The following MACROD2 variants were observed in gnomAD, a reference collection of about 807,000 sequenced individuals.
The protein encoded by MACROD2 is mono-ADP ribosylhydrolase 2.
In MACROD2, 36 loss-of-function variants were observed where a neutral mutation model predicts 70.4. That is an observed-to-expected ratio of 0.51 (90% CI 0.39 to 0.68). The LOEUF is 0.68. Ranked by LOEUF, MACROD2 falls within the 30% of genes least tolerant of loss-of-function variation. The pLI, the probability that MACROD2 is intolerant of heterozygous loss-of-function variation, is 0.00. For missense variants in MACROD2, 496 were observed against 538.4 expected, an observed-to-expected ratio of 0.92 and a Z score of 0.78; for synonymous variants, 172 against 178.8, an observed-to-expected ratio of 0.96 and a Z score of 0.30.
In MACROD2 at chr20:14,230,647, AT is replaced by A. The variant is rs1569217327; in HGVS notation, c.271+144920del. ...CATTCATGTTTATATATATATATAT[AT>A]ATATATAACACAGGCTGGGCCTATA... On this transcript the variant is annotated intron_variant, in intron 3 of 17. Coordinates refer to ENST00000684519, the MANE Select transcript of MACROD2 (RefSeq NM_001351661.2). Among the ~76,000 whole-genome samples, 190 of 21,326 alleles carry A rather than the reference AT, an allele frequency of 8.9e-3. 29 individuals are homozygous for A. The highest frequency in any genetic ancestry group is 0.032 in the African/African-American group (174 of 5,480). The allele number at this position is 21,326 out of a possible 152,430, so 14.0% of individuals were successfully genotyped here.
intron 7 of MACROD2, among the ~76,000 whole-genome samples, chr20:15,439,681 T>G (rs1600413325): frequency 1.3e-5 from 2 of 152,296 alleles, no homozygotes; most frequent in Non-Finnish European, 2.9e-5. Context: ...AGACACTGCC[T>G]TCTTTGAAGT....
chr20:15,499,740 G>T, intron 7 of MACROD2, 34 bp from the exon 8 acceptor site: 1 of 1,607,886 alleles, frequency 6.2e-7, no homozygotes, highest in Non-Finnish European at 8.5e-7. Context: ...TTCATCTTTC[G>T]TTGTTCATTT....
chr20:15,336,617 TCA>T (rs1323132845), intron 6 of MACROD2, among the ~76,000 whole-genome samples: 1 of 121,498 alleles, frequency 8.2e-6, no homozygotes, highest in Non-Finnish European at 1.7e-5. Flanking sequence ...TGGGAAGAAT[TCA>T]GTTACATTTC....
intron 5 of MACROD2, among the ~76,000 whole-genome samples, chr20:14,838,510 A>G (rs983144197): frequency 8.5e-5 from 13 of 152,132 alleles, no homozygotes; most frequent in Non-Finnish European, 1.2e-4. Context: ...GTAAACATCA[A>G]TTGAAAATAA....
intron 3 of MACROD2, among the ~76,000 whole-genome samples, chr20:14,459,523 T>C (rs998234128): frequency 9.9e-5 from 15 of 151,864 alleles, no homozygotes; most frequent in Admixed American, 2.0e-4. Flanking sequence ...TGTGTATGTA[T>C]GTAGGTAGGT....
intron 4 of MACROD2, among the ~76,000 whole-genome samples, chr20:14,679,802 T>A (rs1430845442): frequency 1.3e-5 from 2 of 152,156 alleles, no homozygotes; most frequent in South Asian, 2.1e-4. Flanking sequence ...TAATTGAAAG[T>A]GTGGTATGTA....
chr20:14,420,270 A>G (rs144649497), intron 3 of MACROD2, among the ~76,000 whole-genome samples: 194 of 151,878 alleles, frequency 1.3e-3, no homozygotes, highest in Admixed American at 2.6e-3. Flanking sequence ...TCTATGTTTA[A>G]CTTTTTTGAG....
At chr20:14,711,170 T>C (rs2071334144) in intron 5 of MACROD2, among the ~76,000 whole-genome samples, 1 of 152,218 alleles carries the variant, frequency 6.6e-6, no homozygotes, top group African/African-American at 2.4e-5. Context: ...GAGTGGGTCA[T>C]GAGTTTTCTT....
chr20:15,051,338 A>ATGTGTGTGTG (rs6147297), intron 5 of MACROD2, among the ~76,000 whole-genome samples: 2 of 129,444 alleles, frequency 1.5e-5, no homozygotes, highest in East Asian at 2.2e-4. Flanking sequence ...TCAGTAGGAG[A>ATGTGTGTGTG]TGTGTGTGTG....
At chr20:14,767,701 C>T (rs1232930174) in intron 5 of MACROD2, among the ~76,000 whole-genome samples, 2 of 151,644 alleles carry the variant, frequency 1.3e-5, no homozygotes. Flanking sequence ...GCAGGTTTGT[C>T]ACATAGGTAT....
At chr20:14,990,978 G>C (rs1249535405) in intron 5 of MACROD2, among the ~76,000 whole-genome samples, 1 of 152,142 alleles carries the variant, frequency 6.6e-6, no homozygotes, top group East Asian at 1.9e-4. Flanking sequence ...AGATCAAGAA[G>C]GGGCAGAATT....
chr20:14,856,200 C>T (rs1037886053), intron 5 of MACROD2, among the ~76,000 whole-genome samples: 1 of 152,012 alleles, frequency 6.6e-6, no homozygotes, highest in South Asian at 2.1e-4. Flanking sequence ...GTATTTTTCC[C>T]CAGTAATGCT....
In MACROD2 at chr20:16,050,091, G is replaced by C. The variant is rs2067439942; in HGVS notation, c.*215G>C. On this transcript the variant is annotated 3_prime_UTR_variant, in exon 18 of 18. Coordinates refer to ENST00000684519, the MANE Select transcript of MACROD2 (RefSeq NM_001351661.2). ...AAAAGTTTCCTTTAATTTGGTGGAG[G>C]GACCCATGTTGACGCATCTTTCAGG... is the stretch of plus-strand genomic sequence containing the variant. 4.4e-6 allele frequency: 2 copies of C among 453,548 alleles called. No homozygotes were observed. Among genetic ancestry groups the C allele is most frequent in the African/African-American group, 4.0e-5 (2 of 50,254 alleles). 28.1% of individuals were successfully genotyped at this position (453,548 alleles called of 1,614,324 possible).
At chr20:14,308,562 T>C (rs902336548) in intron 3 of MACROD2, among the ~76,000 whole-genome samples, 6 of 152,094 alleles carry the variant, frequency 3.9e-5, no homozygotes, top group Non-Finnish European at 8.8e-5. Context: ...GCATGGTACT[T>C]AAGAAAATTT....
chr20:14,266,431 A>G (rs2082144684), intron 3 of MACROD2, among the ~76,000 whole-genome samples: 1 of 152,186 alleles, frequency 6.6e-6, no homozygotes, highest in African/African-American at 2.4e-5. Flanking sequence ...TCTTAGACTC[A>G]TTCCTTAAAC....
rs2046697105 is a variant in MACROD2 at position 15,454,688 on chromosome 20, A to T, written c.571+23253A>T. Among the ~76,000 whole-genome samples the T allele has an allele frequency of 5.1e-5, 3 of 58,740 alleles. 1 individual carries two copies. Among genetic ancestry groups the T allele is most frequent in the Non-Finnish European group, 1.1e-4 (3 of 28,108 alleles). The allele number at this position is 58,740 out of a possible 152,430, so 38.5% of individuals were successfully genotyped here. ...CTGGCTCTCTTCATAAATCTGTAAA[A>T]TAAAAATGAGCTTTCTCCTTTGTGA... On this transcript the variant is annotated intron_variant, in intron 7 of 17. Transcript: ENST00000684519.
intron 4 of MACROD2, among the ~76,000 whole-genome samples, chr20:14,615,156 G>A (rs544632804): frequency 1.3e-5 from 2 of 152,204 alleles, no homozygotes; most frequent in East Asian, 3.9e-4. Context: ...GGCTGCAGGG[G>A]GCCAGGTTTT....
intron 5 of MACROD2, among the ~76,000 whole-genome samples, chr20:14,805,917 T>A (rs939012010): frequency 6.6e-6 from 1 of 152,082 alleles, no homozygotes; most frequent in Non-Finnish European, 1.5e-5. Flanking sequence ...CCACTTTCTC[T>A]TGTGTGACCT....
At chr20:15,898,111 C>CT (rs2065001638) in intron 10 of MACROD2, among the ~76,000 whole-genome samples, 1 of 151,950 alleles carries the variant, frequency 6.6e-6, no homozygotes, top group South Asian at 2.1e-4. Flanking sequence ...CTTTTTTTCC[C>CT]TTTTTTCTCA....
Sources: gnomAD v4.1 joint callset for allele counts (sites outside exome capture counted in the v4.1 genomes callset) on GRCh38, gnomAD v4.1.1 for gene constraint, MANE v1.5 for transcripts, NCBI Gene and HGNC (gene_info 2026-07-23, HGNC 2026-07-21) for gene names.